IGF1R: variants seen among roughly 807,000 people sequenced by gnomAD.
IGF1R encodes insulin-like growth factor 1 receptor.
IGF1R carries 44 observed loss-of-function variants against 144.6 expected under a neutral mutation model. The observed-to-expected ratio is 0.30, with a 90% confidence interval of 0.24 to 0.39. The LOEUF (loss-of-function observed/expected upper bound fraction) is 0.39, where lower values mean the gene tolerates loss of function less well. Among genes scored for constraint, IGF1R ranks in the 10% least tolerant of loss-of-function variants. The probability of loss-of-function intolerance (pLI) is 1.00; values close to 1 mark genes in which losing one functional copy is unlikely to be tolerated. For synonymous variants in IGF1R, 795 were observed against 722.8 expected (o/e 1.10, Z -1.60); for missense variants, 1,355 against 1,833.7 (o/e 0.74, Z 4.77).
At chr15:98,676,782 C>T (rs1285184259) in intron 1 of IGF1R, among the ~76,000 whole-genome samples, 3 of 152,166 alleles carry the variant, frequency 2.0e-5, no homozygotes, top group African/African-American at 4.8e-5. Flanking sequence ...CAACTATTAT[C>T]TATCTATGAA....
chr15:98,847,275 T>C (rs1461341481), intron 2 of IGF1R, among the ~76,000 whole-genome samples: 1 of 152,146 alleles, frequency 6.6e-6, no homozygotes, highest in African/African-American at 2.4e-5. Context: ...CTTGCCCGGC[T>C]ACCGGACAGT....
intron 13 of IGF1R, among the ~76,000 whole-genome samples, chr15:98,928,242 T>TA (rs751805136): frequency 1.3e-5 from 2 of 152,186 alleles, no homozygotes; most frequent in Non-Finnish European, 2.9e-5. Context: ...GGCCATGACT[T>TA]ACCAAGCCAG....
chr15:98,861,401 C>T (rs957290766), intron 2 of IGF1R, among the ~76,000 whole-genome samples: 3 of 152,166 alleles, frequency 2.0e-5, no homozygotes, highest in Non-Finnish European at 4.4e-5. Context: ...GTAGGGAGGA[C>T]CCTTACACCC....
chr15:98,652,676 A>C (rs1264859368), intron 1 of IGF1R, among the ~76,000 whole-genome samples: 1 of 152,218 alleles, frequency 6.6e-6, no homozygotes, highest in Non-Finnish European at 1.5e-5. Context: ...CACATATCGT[A>C]TGATCCGGTT....
At chr15:98,665,107 G>A (rs183786730) in intron 1 of IGF1R, among the ~76,000 whole-genome samples, 6 of 152,038 alleles carry the variant, frequency 3.9e-5, no homozygotes, top group Admixed American at 6.6e-5. Flanking sequence ...ACAGGCGTCC[G>A]CTGCCACACT....
At chr15:98,738,436 C>T (rs180983633) in intron 2 of IGF1R, among the ~76,000 whole-genome samples, 56 of 152,226 alleles carry the variant, frequency 3.7e-4, no homozygotes, top group African/African-American at 1.2e-3. Flanking sequence ...TTTGAGAGAC[C>T]GAGACAGGAA....
chr15:98,926,642 T>G (rs1055260512), intron 13 of IGF1R, among the ~76,000 whole-genome samples: 3 of 152,206 alleles, frequency 2.0e-5, no homozygotes, highest in African/African-American at 7.2e-5. Context: ...CACCAGATAT[T>G]CTAATCTGTT....
In IGF1R at chr15:98,894,562, C is replaced by T. The variant is rs992294764; in HGVS notation, c.954-2195C>T. On this transcript the variant is annotated intron_variant, in intron 3 of 20. Transcript: ENST00000650285. ...CATTATGCTCTGTGAAAAAGCCAACCTCAAAAGATCACATACTGTATAATT... is the reference window on the plus strand; with the variant it reads ...CATTATGCTCTGTGAAAAAGCCAACTTCAAAAGATCACATACTGTATAATT... 3.3e-5 allele frequency among the ~76,000 whole-genome samples: 5 copies of T among 152,292 alleles called. No homozygotes were observed. The South Asian group carries it at 1.0e-3, about 32-fold the overall frequency.
intron 1 of IGF1R, among the ~76,000 whole-genome samples, chr15:98,651,774 G>A: frequency 6.6e-6 from 1 of 152,176 alleles, no homozygotes; most frequent in East Asian, 1.9e-4. Flanking sequence ...TCCCTTTACA[G>A]TGGTTAGTTC....
intron 2 of IGF1R, among the ~76,000 whole-genome samples, chr15:98,866,745 C>T (rs1467968258): frequency 6.6e-6 from 1 of 152,158 alleles, no homozygotes; most frequent in African/African-American, 2.4e-5. Flanking sequence ...TTAATGAAAC[C>T]AGAAATAGAT....
chr15:98,681,428 T>C (rs554048380), intron 1 of IGF1R, among the ~76,000 whole-genome samples: 47 of 152,312 alleles, frequency 3.1e-4, no homozygotes, highest in African/African-American at 1.1e-3. Context: ...AGGTAATGGG[T>C]AGCCTTATGG....
chr15:98,770,000 C>T (rs1023359651), intron 2 of IGF1R, among the ~76,000 whole-genome samples: 14 of 152,116 alleles, frequency 9.2e-5, no homozygotes, highest in African/African-American at 3.4e-4. Context: ...CGGTTGCTTC[C>T]TTGTTCTCTG....
chr15:98,923,697 T>G (rs1037236206), intron 11 of IGF1R, 179 bp from the exon 12 acceptor site: 1 of 621,288 alleles, frequency 1.6e-6, no homozygotes, highest in Non-Finnish European at 2.9e-6. Context: ...TCAGGGGCAG[T>G]GTACGTGGCT....
chr15:98,938,941 T>C (rs1283177141), intron 17 of IGF1R, among the ~76,000 whole-genome samples: 2 of 152,192 alleles, frequency 1.3e-5, no homozygotes, highest in African/African-American at 2.4e-5. Flanking sequence ...ATAGAAAATG[T>C]TGGTCCTAAA....
intron 2 of IGF1R, among the ~76,000 whole-genome samples, chr15:98,767,674 CAT>C (rs905571016): frequency 1.4e-4 from 22 of 152,136 alleles, no homozygotes; most frequent in African/African-American, 4.8e-4. Flanking sequence ...TGTATTAAAA[CAT>C]ATGGTTTTTA....
intron 2 of IGF1R, among the ~76,000 whole-genome samples, chr15:98,845,896 C>T (rs910809600): frequency 6.6e-6 from 1 of 152,132 alleles, no homozygotes; most frequent in African/African-American, 2.4e-5. Context: ...ATAAAATTGG[C>T]AGCTTTACAA....
chr15:98,703,881 T>TA (rs2053796511), intron 1 of IGF1R, among the ~76,000 whole-genome samples: 1 of 152,240 alleles, frequency 6.6e-6, no homozygotes. Flanking sequence ...AATAGATGCC[T>TA]AACGCTTTAT....
intron 2 of IGF1R, among the ~76,000 whole-genome samples, chr15:98,817,879 G>A (rs181466785): frequency 2.4e-4 from 36 of 152,252 alleles, no homozygotes; most frequent in Non-Finnish European, 4.0e-4. Flanking sequence ...TCTTGCCTCT[G>A]CCTACTTCAC....
chr15:98,689,873 T>A (rs1289058114), intron 1 of IGF1R, among the ~76,000 whole-genome samples: 1 of 152,132 alleles, frequency 6.6e-6, no homozygotes, highest in Non-Finnish European at 1.5e-5. Flanking sequence ...CCTCACACTG[T>A]CCTCACGCTG....
Sources: gnomAD v4.1 joint callset for allele counts (sites outside exome capture counted in the v4.1 genomes callset) on GRCh38, gnomAD v4.1.1 for gene constraint, MANE v1.5 for transcripts, NCBI Gene and HGNC (gene_info 2026-07-23, HGNC 2026-07-21) for gene names.